Variants in PLCG2 observed in about 807,000 individuals in gnomAD.
PLCG2 encodes the protein 1-phosphatidylinositol 4,5-bisphosphate phosphodiesterase gamma-2.
In PLCG2, 69 loss-of-function variants were observed where a neutral mutation model predicts 175.6. The ratio of observed to expected loss-of-function variants is 0.39; its 90% CI spans 0.32 to 0.48. PLCG2 has a LOEUF of 0.48. PLCG2 is among the 20% of genes least tolerant of loss of function. The pLI, the probability that PLCG2 is intolerant of heterozygous loss-of-function variation, is 0.91. For missense variants in PLCG2, 1,798 were observed against 1,650.9 expected, an observed-to-expected ratio of 1.09 and a Z score of -1.54; for synonymous variants, 827 against 624.0, an observed-to-expected ratio of 1.33 and a Z score of -4.85.
At chr16:81,842,920 C>A (rs1905912005) in intron 2 of PLCG2, 1 of 139,920 alleles carries the variant, frequency 7.1e-6, no homozygotes, top group Non-Finnish European at 1.5e-5. Context: ...GGGGTGCCGG[C>A]CTTTGAGGCT....
rs1418207856 is a variant in PLCG2 at position 81,785,200 on chromosome 16, C to G, written c.-47-743C>G. Among the ~76,000 whole-genome samples, 6 of 152,252 alleles carry G rather than the reference C, an allele frequency of 3.9e-5. No homozygotes were observed. In the East Asian group the frequency reaches 1.2e-3, roughly 29 times the overall value. On this transcript the variant is annotated intron_variant, in intron 1 of 32. Transcript: ENST00000564138. Reference sequence around the variant, plus strand: ...GCCCAAGCACCTCTCTGACACTGACCACCCACAAGCATAAACAGCAATCAA... The same window carrying G: ...GCCCAAGCACCTCTCTGACACTGACGACCCACAAGCATAAACAGCAATCAA...
At chr16:81,880,706 G>C (rs1457094414) in intron 7 of PLCG2, among the ~76,000 whole-genome samples, 1 of 152,234 alleles carries the variant, frequency 6.6e-6, no homozygotes, top group African/African-American at 2.4e-5. Flanking sequence ...TACGACTGTG[G>C]AGGGAATGAG....
intron 2 of PLCG2, among the ~76,000 whole-genome samples, chr16:81,806,068 T>A (rs962253956): frequency 6.6e-6 from 1 of 152,154 alleles, no homozygotes; most frequent in East Asian, 1.9e-4. Context: ...GTATGCAATA[T>A]AATTATTAAC....
rs1424289664 is a variant in PLCG2, at chr16:81,960,300, C to A, written c.*2302C>A. 4.5e-6 allele frequency: 1 copy of A among 220,204 alleles called. No homozygotes were observed. The allele number at this position is 220,204 out of a possible 1,614,324, so 13.6% of individuals were successfully genotyped here. A position where few individuals can be genotyped will look rare whatever the true frequency, so the allele number is the denominator to read the frequency against. On this transcript the variant is annotated 3_prime_UTR_variant, in exon 33 of 33. Transcript: ENST00000564138. ...GATGCTACATAACTTCAGTATCTAG[C>A]TGAGACATGCTTCCTACATGACTGT... is the stretch of plus-strand genomic sequence containing the variant.
At chr16:81,771,508 C>T (rs544971979) in intron 2 of PLCG2, among the ~76,000 whole-genome samples, 19 of 152,296 alleles carry the variant, frequency 1.2e-4, no homozygotes, top group East Asian at 3.9e-4. Context: ...GAGAAGTCTT[C>T]GCAGCTCCAT....
intron 30 of PLCG2, among the ~76,000 whole-genome samples, chr16:81,942,847 T>G (rs1162872047): frequency 6.6e-6 from 1 of 152,186 alleles, no homozygotes; most frequent in Admixed American, 6.5e-5. Context: ...TGCATTGATC[T>G]TACTTTAAAA....
intron 19 of PLCG2, 109 bp downstream of exon 19, chr16:81,912,825 C>G: frequency 1.5e-6 from 2 of 1,316,450 alleles, no homozygotes; most frequent in East Asian, 2.6e-5. Context: ...TGCCCTGCCC[C>G]CCCAGCATCA....
chr16:81,855,923 G>A (rs1036162763), intron 3 of PLCG2, among the ~76,000 whole-genome samples: 6 of 152,186 alleles, frequency 3.9e-5, no homozygotes, highest in Non-Finnish European at 8.8e-5. Context: ...GGCAAGGCCC[G>A]TGGCGGTGAA....
chr16:81,934,488 G>T lies in PLCG2; in HGVS notation c.2799G>T (p.Leu933=). 1 of 1,613,492 alleles carries T rather than the reference G, an allele frequency of 6.2e-7. No individual in the cohort carries two copies. The highest frequency in any genetic ancestry group is 8.5e-7 in the Non-Finnish European group (1 of 1,179,598). Residue 933 remains leucine (L), a synonymous_variant, in exon 26 of 33, where the codon CTG becomes CTT. Coordinates refer to ENST00000564138, the MANE Select transcript of PLCG2 (RefSeq NM_002661.5). ...NQSIAIELSD[L]VVYCKPTSKT... is the part of the protein sequence containing the mutation. ...CCATCGCCATCGAGCTCTCTGACCT[G>T]GTTGTCTACTGCAAACCAACCAGCA... is the stretch of plus-strand genomic sequence containing the variant.
At chr16:81,821,165 T>C (rs1323126071) in intron 2 of PLCG2, among the ~76,000 whole-genome samples, 2 of 152,280 alleles carry the variant, frequency 1.3e-5, no homozygotes, top group Non-Finnish European at 2.9e-5. Context: ...GTGCTGGGAT[T>C]ACAGGCGTGC....
chr16:81,858,425 G>A, intron 4 of PLCG2, 69 bp downstream of exon 4: 1 of 1,025,892 alleles, frequency 9.7e-7, no homozygotes, highest in Non-Finnish European at 1.5e-6. Context: ...TAGCCAACAT[G>A]GGCTACAGGG....
intron 2 of PLCG2, among the ~76,000 whole-genome samples, chr16:81,833,188 G>A (rs2143393606): frequency 6.6e-6 from 1 of 152,342 alleles, no homozygotes; most frequent in East Asian, 1.9e-4. Context: ...TACCACGTTT[G>A]GGGTTCAGCA....
intron 2 of PLCG2, among the ~76,000 whole-genome samples, chr16:81,772,021 G>T (rs1910291951): frequency 6.6e-6 from 1 of 152,116 alleles, no homozygotes; most frequent in Non-Finnish European, 1.5e-5. Context: ...GGCCTTAAGT[G>T]ATCTGCCCAC....
intron 4 of PLCG2, among the ~76,000 whole-genome samples, chr16:81,858,795 G>A (rs931542351): frequency 6.6e-6 from 1 of 152,210 alleles, no homozygotes; most frequent in African/African-American, 2.4e-5. Context: ...GCATTGGGGT[G>A]TGAGTTATTT....
upstream of PLCG2, among the ~76,000 whole-genome samples, chr16:81,777,873 C>T (rs7199605): frequency 0.56 from 84,648 of 150,718 alleles, 24,194 homozygotes; most frequent in South Asian, 0.75. Context: ...AAAAATTAGC[C>T]AAGCATGATG....
intron 2 of PLCG2, among the ~76,000 whole-genome samples, chr16:81,774,177 CAAAAAAAAA>C (rs57503150): frequency 4.9e-5 from 2 of 40,532 alleles, no homozygotes; most frequent in African/African-American, 1.1e-4. Context: ...ACTAAAAATA[CAAAAAAAAA>C]AAAAAAAAAA....
At chr16:81,830,975 C>G (rs57760666) in intron 2 of PLCG2, among the ~76,000 whole-genome samples, 81 of 152,232 alleles carry the variant, frequency 5.3e-4, no homozygotes, top group African/African-American at 1.8e-3. Flanking sequence ...CAACCTTGCT[C>G]TTCCTACAAC....
chr16:81,838,964 C>T (rs1487031402), intron 2 of PLCG2, among the ~76,000 whole-genome samples: 1 of 151,914 alleles, frequency 6.6e-6, no homozygotes, highest in East Asian at 1.9e-4. Flanking sequence ...TCTTGCATGG[C>T]TAATTGGCTT....
At chr16:81,850,114 A>G (rs1433854268) in intron 2 of PLCG2, among the ~76,000 whole-genome samples, 1 of 152,256 alleles carries the variant, frequency 6.6e-6, no homozygotes, top group Non-Finnish European at 1.5e-5. Flanking sequence ...ACATAATGAG[A>G]TAAGATGTAT....
Sources: allele counts gnomAD v4.1 joint callset (sites outside exome capture counted in the v4.1 genomes callset), GRCh38; gene constraint gnomAD v4.1.1; transcripts MANE v1.5; gene names NCBI Gene and HGNC (gene_info 2026-07-23, HGNC 2026-07-21).